DNAH2: variants seen among roughly 807,000 people sequenced by gnomAD.
DNAH2 encodes axonemal beta dynein heavy chain 2.
DNAH2 carries 323 observed loss-of-function variants against 523.5 expected under a neutral mutation model. The observed-to-expected ratio is 0.62, with a 90% CI of 0.56 to 0.68. The LOEUF is 0.68. Ranked by LOEUF, DNAH2 falls within the 30% of genes least tolerant of loss-of-function variation. The probability of loss-of-function intolerance (pLI) is 0.00; values close to 1 mark genes in which losing one functional copy is unlikely to be tolerated. For missense variants in DNAH2, 4,907 were observed against 5,701.5 expected (o/e 0.86, Z 4.49); for synonymous variants, 2,093 against 2,177.4 (o/e 0.96, Z 1.08).
At position 7,832,659 on chromosome 17, in the gene DNAH2, C is replaced by T. The variant is rs1268578795; in HGVS notation, c.12807C>T (p.Ser4269=). The change falls in exon 83 of 86, where the codon AGC becomes AGT. Residue 4269 remains serine, a synonymous_variant. Coordinates refer to ENST00000572933, the MANE Select transcript of DNAH2 (RefSeq NM_020877.5). This position sits in a 1 kb window ranked among gnomAD's most constrained non-coding sequence, Gnocchi z 4.3. The part of the protein sequence containing the change: ...MRVEQFELWA[S]RARPPVIFWL... ...TGGAGCAGTTTGAGCTGTGGGCCAGCCGGGCCCGGCCTCCTGTGATCTTCT... is the reference window on the plus strand; with the variant it reads ...TGGAGCAGTTTGAGCTGTGGGCCAGTCGGGCCCGGCCTCCTGTGATCTTCT... 6.2e-7 allele frequency: 1 copy of T among 1,614,022 alleles called. No individual in the cohort carries two copies. The highest frequency in any genetic ancestry group is 8.5e-7 in the Non-Finnish European group (1 of 1,180,054).
At chr17:7,830,935 G>GT in intron 79 of DNAH2, 93 bp downstream of exon 79, 3 of 1,554,206 alleles carry the variant, frequency 1.9e-6, no homozygotes, top group Non-Finnish European at 2.6e-6. Flanking sequence ...AGGAGAGGAC[G>GT]TGAGATTGGA....
intron 39 of DNAH2, among the ~76,000 whole-genome samples, chr17:7,781,369 C>T (rs142873553): frequency 0.013 from 1,943 of 152,106 alleles, 38 homozygotes; most frequent in African/African-American, 0.044. Flanking sequence ...CCCAGCTACT[C>T]GGGAGGCTGA....
At chr17:7,775,480 G>A (rs2076424267) in intron 30 of DNAH2, 138 bp downstream of exon 30, 1 of 758,442 alleles carries the variant, frequency 1.3e-6, no homozygotes, top group Non-Finnish European at 2.1e-6. Context: ...GAGGTCGGGA[G>A]TTTGAGACCA....
Position 7,831,009 on chromosome 17 carries a change from C to A in DNAH2, c.12231-77C>A. 6.6e-7 allele frequency: 1 copy of A among 1,522,550 alleles called. No individual in the cohort carries two copies. Among genetic ancestry groups the A allele is most frequent in the Non-Finnish European group, 9.0e-7 (1 of 1,112,820 alleles). 94.3% of individuals were successfully genotyped at this position (1,522,550 alleles called of 1,614,324 possible). ...CAGGGAGCTGGACAAATTGGACATG[C>A]ATAGGTTTGGGGTCTTGGCCTGGCA... On this transcript the variant is annotated intron_variant, in intron 79 of 85. Coordinates refer to ENST00000572933, the MANE Select transcript of DNAH2 (RefSeq NM_020877.5). The surrounding 1 kb of genome is among the most constrained non-coding windows in gnomAD (Gnocchi z 4.2).
intron 18 of DNAH2, among the ~76,000 whole-genome samples, chr17:7,763,008 C>T (rs2076049736): frequency 6.6e-6 from 1 of 151,844 alleles, no homozygotes; most frequent in African/African-American, 2.4e-5. Flanking sequence ...CAGAGTCTCA[C>T]CCTGTCACCC....
At chr17:7,723,517 C>A in intron 2 of DNAH2, 111 bp from the exon 3 acceptor site, 1 of 826,138 alleles carries the variant, frequency 1.2e-6, no homozygotes, top group Non-Finnish European at 2.1e-6. Context: ...GGTGATCCTC[C>A]CGCCTAGTAC....
chr17:7,777,408 G>T (rs1186716012), intron 32 of DNAH2, 38 bp from the exon 33 acceptor site: 2 of 1,611,410 alleles, frequency 1.2e-6, no homozygotes, highest in East Asian at 4.5e-5. Context: ...TGGCGGCATT[G>T]CTCTGTCTGC....
rs888130480 is a variant in DNAH2 at position 7,740,074 on chromosome 17, G to C, written c.1376+136G>C. On this transcript the variant is annotated intron_variant, in intron 9 of 85. Coordinates refer to ENST00000572933, the MANE Select transcript of DNAH2 (RefSeq NM_020877.5). Reference sequence around the variant, plus strand: ...GGATCAGGGCGGTGGCCCGGGGGGGGGGACAGGAGAGAGTGCAGGGGAGGG... The same window carrying C: ...GGATCAGGGCGGTGGCCCGGGGGGGCGGACAGGAGAGAGTGCAGGGGAGGG... 12 of 564,486 alleles carry C rather than the reference G, an allele frequency of 2.1e-5. No individual in the cohort carries two copies. In the East Asian group the frequency reaches 6.1e-4, roughly 29 times the overall value. The allele number at this position is 564,486 out of a possible 1,614,324, so 35.0% of individuals were successfully genotyped here. A position where few individuals can be genotyped will look rare whatever the true frequency, so the allele number is the denominator to read the frequency against.
chr17:7,755,386 G>A (rs1046835816), intron 12 of DNAH2, among the ~76,000 whole-genome samples: 1 of 151,282 alleles, frequency 6.6e-6, no homozygotes, highest in Non-Finnish European at 1.5e-5. Flanking sequence ...AGGGGCTCGA[G>A]GGGAGGACAG....
chr17:7,776,193 C>A (rs191330318), intron 31 of DNAH2, 44 bp downstream of exon 31: 1 of 1,599,404 alleles, frequency 6.3e-7, no homozygotes, highest in Non-Finnish European at 8.5e-7. Context: ...GGGCTGGGCA[C>A]GGTGGCTCAC....
intron 11 of DNAH2, among the ~76,000 whole-genome samples, chr17:7,741,303 T>TTCCTTGCCTCCC (rs1477805088): frequency 1.3e-5 from 1 of 76,812 alleles, no homozygotes; most frequent in Admixed American, 1.5e-4. Context: ...TCTTCCTTCC[T>TTCCTTGCCTCCC]TCCCTCCCTC....
chr17:7,727,628 C>T (rs1161147055), intron 4 of DNAH2, among the ~76,000 whole-genome samples: 1 of 151,786 alleles, frequency 6.6e-6, no homozygotes, highest in South Asian at 2.1e-4. Flanking sequence ...TGGTGGTGCA[C>T]ACCTGTAATC....
At chr17:7,793,689 T>C (rs915345562) in intron 48 of DNAH2, among the ~76,000 whole-genome samples, 16 of 152,046 alleles carry the variant, frequency 1.1e-4, no homozygotes, top group African/African-American at 3.9e-4. Context: ...GGTTTTGAAC[T>C]CCTGGGCTCA....
chr17:7,792,512 G>A (rs902531173), intron 46 of DNAH2, 145 bp from the exon 47 acceptor site: 9 of 948,682 alleles, frequency 9.5e-6, no homozygotes, highest in African/African-American at 3.2e-5. Context: ...GCTTGGGACA[G>A]GGTCTCTGAG....
chr17:7,809,624 G>A (rs2077456705), intron 63 of DNAH2, among the ~76,000 whole-genome samples: 1 of 152,152 alleles, frequency 6.6e-6, no homozygotes, highest in African/African-American at 2.4e-5. Flanking sequence ...AATTAGGAGT[G>A]GTTCCTCATA....
Position 7,760,735 on chromosome 17 carries a change from T to A in DNAH2, c.2786-5T>A. On this transcript the variant is annotated splice_polypyrimidine_tract_variant and splice_region_variant and intron_variant, in intron 17 of 85. Coordinates refer to ENST00000572933, the MANE Select transcript of DNAH2 (RefSeq NM_020877.5). This position sits in a 1 kb window ranked among gnomAD's most constrained non-coding sequence, Gnocchi z 4.0. ...GTGAGAAGCATCTTTCTTGGTCCTT[T>A]GAAGAGCAAGATGAGGACATCAAGA... 1 of 1,611,884 alleles carries A rather than the reference T, an allele frequency of 6.2e-7. No homozygotes were observed. The highest frequency in any genetic ancestry group is 1.1e-5 in the South Asian group (1 of 90,812).
Position 7,798,463 on chromosome 17 carries a change from T to G in DNAH2, c.8399-95T>G, listed in dbSNP as rs1481543153. 1.2e-5 allele frequency: 18 copies of G among 1,556,068 alleles called. No individual in the cohort carries two copies. The highest frequency in any genetic ancestry group is 1.6e-5 in the Non-Finnish European group (18 of 1,152,680). On this transcript the variant is annotated intron_variant, in intron 54 of 85. Transcript: ENST00000572933. The surrounding 1 kb of genome is among the most constrained non-coding windows in gnomAD (Gnocchi z 5.5). ...GTGTAGGATGGTGTCGCGTGTATGC[T>G]GCGGGGCGGGGAGGGTTCCTAAATC...
chr17:7,727,078 C>T lies in DNAH2; in HGVS notation c.229-44C>T, dbSNP rs764332330. The T allele has an allele frequency of 3.4e-6, 5 of 1,491,296 alleles. No individual in the cohort carries two copies. The African/African-American group carries it at 7.2e-5, about 22-fold the overall frequency. 92.4% of individuals were successfully genotyped at this position (1,491,296 alleles called of 1,614,324 possible). On this transcript the variant is annotated intron_variant, in intron 3 of 85. Coordinates refer to ENST00000572933, the MANE Select transcript of DNAH2 (RefSeq NM_020877.5). ...ATTGTGGATGGGAGGAATGACTCAT[C>T]CTGGCAGTTGTAGTTACTTTGGCCC...
chr17:7,831,583 G>A lies in DNAH2; in HGVS notation c.12611+42G>A. The A allele has an allele frequency of 6.2e-7, 1 of 1,613,774 alleles. No individual in the cohort carries two copies. The highest frequency in any genetic ancestry group is 8.5e-7 in the Non-Finnish European group (1 of 1,179,760). On this transcript the variant is annotated intron_variant, in intron 81 of 85. Coordinates refer to ENST00000572933, the MANE Select transcript of DNAH2 (RefSeq NM_020877.5). This position sits in a 1 kb window ranked among gnomAD's most constrained non-coding sequence, Gnocchi z 4.2. ...CTCTGCGGAACAGGGGAGGGTGTGA[G>A]GAGAAGCCTTTGCCTTCTGGCTAGA...
Sources: gnomAD v4.1 joint callset for allele counts (sites outside exome capture counted in the v4.1 genomes callset) on GRCh38, gnomAD v4.1.1 for gene constraint, Gnocchi (gnomAD v3.1) non-coding constraint, MANE v1.5 for transcripts, NCBI Gene and HGNC (gene_info 2026-07-23, HGNC 2026-07-21) for gene names.